Variants in CPPED1 observed in about 807,000 individuals in gnomAD.
The protein encoded by CPPED1 is calcineurin like phosphoesterase domain containing 1.
In CPPED1, 28 loss-of-function variants were observed where a neutral mutation model predicts 28.0. The observed-to-expected ratio is 1.00, with a 90% CI of 0.74 to 1.37. The LOEUF is 1.37. Ranked by LOEUF, CPPED1 falls within the 40% of genes most tolerant of loss-of-function variation. The pLI, the probability that CPPED1 is intolerant of heterozygous loss-of-function variation, is 0.00. For missense variants in CPPED1, 504 were observed against 416.5 expected, an observed-to-expected ratio of 1.21 and a Z score of -1.83; for synonymous variants, 198 against 180.2, an observed-to-expected ratio of 1.10 and a Z score of -0.79.
chr16:12,714,782 A>AC (rs1453868781), intron 2 of CPPED1, among the ~76,000 whole-genome samples: 8 of 151,794 alleles, frequency 5.3e-5, no homozygotes, highest in Middle Eastern at 6.8e-3. Flanking sequence ...TTGAGGTACA[A>AC]AATATTCAAG....
intron 2 of CPPED1, among the ~76,000 whole-genome samples, chr16:12,763,088 C>A (rs1263797927): frequency 6.6e-6 from 1 of 151,466 alleles, no homozygotes; most frequent in African/African-American, 2.4e-5. Context: ...AAAAATTAGC[C>A]GGGTGTGGTG....
At chr16:12,711,165 G>A (rs748085375) in intron 2 of CPPED1, among the ~76,000 whole-genome samples, 4 of 152,094 alleles carry the variant, frequency 2.6e-5, no homozygotes, top group Non-Finnish European at 5.9e-5. Flanking sequence ...AATAAAGAAG[G>A]GAATTCTGAC....
At chr16:12,801,281 T>C (rs2080657822) in intron 1 of CPPED1, among the ~76,000 whole-genome samples, 2 of 152,120 alleles carry the variant, frequency 1.3e-5, no homozygotes, top group Non-Finnish European at 2.9e-5. Flanking sequence ...TTAGTACAGA[T>C]GGAGTTTCAC....
At chr16:12,782,586 A>G (rs149234350) in intron 1 of CPPED1, among the ~76,000 whole-genome samples, 2,435 of 149,104 alleles carry the variant, frequency 0.016, 73 homozygotes, top group African/African-American at 0.057. Flanking sequence ...ATGGCCAGGT[A>G]CAGTGGTTCA....
chr16:12,721,555 C>T (rs1203756316), intron 2 of CPPED1, among the ~76,000 whole-genome samples: 1 of 152,056 alleles, frequency 6.6e-6, no homozygotes, highest in Non-Finnish European at 1.5e-5. Context: ...GAGTTCCAGA[C>T]CAGCCTGACC....
chr16:12,678,105 G>C (rs558828194), intron 3 of CPPED1, among the ~76,000 whole-genome samples: 107 of 152,282 alleles, frequency 7.0e-4, no homozygotes, highest in African/African-American at 2.2e-3. Flanking sequence ...TTCTTCAAAA[G>C]TCTGAAAGTT....
rs368324699 is a variant in CPPED1 at position 12,714,766 on chromosome 16, T to C, written c.290-9717A>G. On this transcript the variant is annotated intron_variant, in intron 2 of 3. Coordinates refer to ENST00000381774, the MANE Select transcript of CPPED1 (RefSeq NM_018340.3). Reference sequence around the variant, plus strand: ...GGCTGTCTTTTCACTTTTTTGATAATGTCCTTTGAGGTACAAAATATTCAA... The same window carrying C: ...GGCTGTCTTTTCACTTTTTTGATAACGTCCTTTGAGGTACAAAATATTCAA... Among the ~76,000 whole-genome samples, 9 of 152,090 alleles carry C rather than the reference T, an allele frequency of 5.9e-5. No individual in the cohort carries two copies. The South Asian group carries it at 1.2e-3, about 21-fold the overall frequency.
chr16:12,665,173 G>T, intron 3 of CPPED1, 58 bp from the exon 4 acceptor site: 1 of 1,494,542 alleles, frequency 6.7e-7, no homozygotes, highest in Non-Finnish European at 9.0e-7. Context: ...GTAACCTAGG[G>T]TCTCCAGCAT....
At chr16:12,741,308 T>C (rs1332214223) in intron 2 of CPPED1, among the ~76,000 whole-genome samples, 3 of 151,878 alleles carry the variant, frequency 2.0e-5, no homozygotes, top group Admixed American at 2.0e-4. Flanking sequence ...CCCTTTTTTT[T>C]TTTTTTTTTG....
intron 2 of CPPED1, among the ~76,000 whole-genome samples, chr16:12,721,159 T>C (rs2080137788): frequency 6.6e-6 from 1 of 152,138 alleles, no homozygotes; most frequent in South Asian, 2.1e-4. Context: ...TAAGGCTCTA[T>C]CTTCTGAAGG....
At chr16:12,669,036 C>G (rs1390569109) in intron 3 of CPPED1, among the ~76,000 whole-genome samples, 1 of 152,148 alleles carries the variant, frequency 6.6e-6, no homozygotes, top group African/African-American at 2.4e-5. Context: ...GTGAGTGTTC[C>G]TAGCAGCATT....
rs543337914 is a variant in CPPED1 at position 12,798,307 on chromosome 16, T to C, written c.70+5400A>G. Among the ~76,000 whole-genome samples, 12 of 152,314 alleles carry C rather than the reference T, an allele frequency of 7.9e-5. No individual in the cohort carries two copies. In the South Asian group the frequency reaches 1.9e-3, roughly 24 times the overall value. ...ACTCTCAAATAAGAGGACCTTCAAA[T>C]ATATCTCAAATAAGAGATAACTAGT... On this transcript the variant is annotated intron_variant, in intron 1 of 3. Transcript: ENST00000381774.
intron 3 of CPPED1, among the ~76,000 whole-genome samples, chr16:12,694,740 G>C (rs1458501636): frequency 3.3e-5 from 4 of 121,188 alleles, no homozygotes; most frequent in South Asian, 6.1e-4. Context: ...GTGGGGGGGG[G>C]GGCGGGGGCA....
At chr16:12,794,116 G>GT (rs1320772049) in intron 1 of CPPED1, among the ~76,000 whole-genome samples, 2 of 151,962 alleles carry the variant, frequency 1.3e-5, no homozygotes, top group Non-Finnish European at 2.9e-5. Context: ...CTTAACAATC[G>GT]TAATGTCCCC....
rs1041094711 is a variant in CPPED1, at chr16:12,709,772, T to C, written c.290-4723A>G. Among the ~76,000 whole-genome samples, 2 of 152,072 alleles carry C rather than the reference T, an allele frequency of 1.3e-5. No homozygotes were observed. The highest frequency in any genetic ancestry group is 1.3e-4 in the Admixed American group (2 of 15,248). ...GGTAATGGTGAAAGACTGACTGCCT[T>C]CCTCCAAGATCAGGAACAAGACAAG... On this transcript the variant is annotated intron_variant, in intron 2 of 3. Coordinates refer to ENST00000381774, the MANE Select transcript of CPPED1 (RefSeq NM_018340.3). This position sits in a 1 kb window ranked among gnomAD's most constrained non-coding sequence, Gnocchi z 4.4.
At chr16:12,789,021 G>A (rs2080580735) in intron 1 of CPPED1, among the ~76,000 whole-genome samples, 1 of 152,212 alleles carries the variant, frequency 6.6e-6, no homozygotes, top group South Asian at 2.1e-4. Flanking sequence ...GATGTGTGCT[G>A]TTGGGCCCAG....
chr16:12,727,851 A>G (rs1567288144), intron 2 of CPPED1, among the ~76,000 whole-genome samples: 1 of 152,188 alleles, frequency 6.6e-6, no homozygotes, highest in Non-Finnish European at 1.5e-5. Context: ...GAATTATAAC[A>G]TACTATTATT....
chr16:12,797,502 C>A (rs1019627619), intron 1 of CPPED1, among the ~76,000 whole-genome samples: 1 of 151,496 alleles, frequency 6.6e-6, no homozygotes, highest in South Asian at 2.1e-4. Flanking sequence ...CTGCAGTGGG[C>A]GGAGATCATG....
rs199514368 is a variant in CPPED1 at position 12,734,386 on chromosome 16, T to TG, written c.290-29338_290-29337insC. Among the ~76,000 whole-genome samples the TG allele has an allele frequency of 6.1e-3, 928 of 151,654 alleles. 3 individuals are homozygous for TG. The highest frequency in any genetic ancestry group is 0.027 in the Middle Eastern group (8 of 292). On this transcript the variant is annotated intron_variant, in intron 2 of 3. Coordinates refer to ENST00000381774, the MANE Select transcript of CPPED1 (RefSeq NM_018340.3). ...CACCTGGCCACACAATAATTTTTTT[T>TG]TTTTGTTTTTGAGACGGAGTCTCGC... is the stretch of plus-strand genomic sequence containing the variant.
Sources: allele counts gnomAD v4.1 joint callset (sites outside exome capture counted in the v4.1 genomes callset), GRCh38; gene constraint gnomAD v4.1.1; non-coding constraint Gnocchi (gnomAD v3.1); transcripts MANE v1.5; gene names NCBI Gene and HGNC (gene_info 2026-07-23, HGNC 2026-07-21).